Variants in PARN observed in about 807,000 individuals in gnomAD.
PARN encodes poly(A)-specific ribonuclease PARN.
A neutral mutation model predicts 102.8 loss-of-function variants in PARN; 71 were observed. That is an observed-to-expected ratio of 0.69 (90% confidence interval 0.57 to 0.84). PARN has a LOEUF of 0.84. Ranked by LOEUF, PARN falls within the 40% of genes least tolerant of loss-of-function variation. PARN has a pLI of 0.00. For synonymous variants in PARN, 261 were observed against 252.9 expected, an observed-to-expected ratio of 1.03 and a Z score of -0.30; for missense variants, 782 against 760.9, an observed-to-expected ratio of 1.03 and a Z score of -0.33.
chr16:14,546,074 G>C (rs1966921268), intron 21 of PARN, among the ~76,000 whole-genome samples: 6 of 152,160 alleles, frequency 3.9e-5, no homozygotes, highest in Admixed American at 3.9e-4. Flanking sequence ...TGACTGGAAT[G>C]AACAAGGAAA....
At chr16:14,512,422 C>T (rs1456337305) in intron 21 of PARN, among the ~76,000 whole-genome samples, 4 of 152,068 alleles carry the variant, frequency 2.6e-5, no homozygotes, top group African/African-American at 9.6e-5. Context: ...GAGCCTGGGA[C>T]GTGGAGGTTG....
intron 21 of PARN, among the ~76,000 whole-genome samples, chr16:14,505,797 G>A (rs958431456): frequency 2.0e-5 from 3 of 152,086 alleles, no homozygotes; most frequent in African/African-American, 4.8e-5. Flanking sequence ...TGTCAGCTTT[G>A]GCAACATGTG....
At chr16:14,598,274 C>T (rs773837106) in intron 12 of PARN, among the ~76,000 whole-genome samples, 40 of 151,936 alleles carry the variant, frequency 2.6e-4, no homozygotes, top group Non-Finnish European at 4.4e-4. Flanking sequence ...TGGTAGTATG[C>T]TTTGGGATGT....
At chr16:14,496,705 C>A (rs992028909) in intron 21 of PARN, among the ~76,000 whole-genome samples, 11 of 152,174 alleles carry the variant, frequency 7.2e-5, no homozygotes, top group African/African-American at 2.7e-4. Context: ...CCAGGGAAGA[C>A]TAAATAGTAC....
intron 5 of PARN, among the ~76,000 whole-genome samples, chr16:14,618,727 G>C (rs1019718637): frequency 4.0e-5 from 6 of 151,540 alleles, no homozygotes; most frequent in Non-Finnish European, 8.8e-5. Context: ...GCTCCTGATC[G>C]CTTGACTGTT....
At chr16:14,505,959 G>T (rs1964874435) in intron 21 of PARN, among the ~76,000 whole-genome samples, 1 of 152,154 alleles carries the variant, frequency 6.6e-6, no homozygotes, top group South Asian at 2.1e-4. Context: ...TACTCACAGA[G>T]TACTTATTTA....
At chr16:14,541,185 A>G (rs139825077) in intron 21 of PARN, among the ~76,000 whole-genome samples, 320 of 151,930 alleles carry the variant, frequency 2.1e-3, no homozygotes, top group Middle Eastern at 6.8e-3. Context: ...CATGAAACTA[A>G]ATAACTTTTT....
intron 14 of PARN, among the ~76,000 whole-genome samples, chr16:14,585,278 T>A (rs889554094): frequency 3.3e-5 from 5 of 152,304 alleles, no homozygotes; most frequent in Admixed American, 6.5e-5. Context: ...ACGCTGTTGT[T>A]TTTATTTCTT....
chr16:14,451,842 C>CT (rs1555477695), intron 22 of PARN, among the ~76,000 whole-genome samples: 2 of 46,258 alleles, frequency 4.3e-5, no homozygotes, highest in African/African-American at 8.1e-5. Context: ...AACCCCGTCT[C>CT]TAAAAAAAAA....
At chr16:14,611,619 C>T (rs1211790781) in intron 6 of PARN, among the ~76,000 whole-genome samples, 1 of 152,156 alleles carries the variant, frequency 6.6e-6, no homozygotes, top group African/African-American at 2.4e-5. Context: ...GAGCTCACTG[C>T]AACCTCTGCC....
At chr16:14,621,639 T>C (rs1417257438) in intron 5 of PARN, among the ~76,000 whole-genome samples, 2 of 151,864 alleles carry the variant, frequency 1.3e-5, no homozygotes, top group African/African-American at 4.8e-5. Context: ...GTGAAAACCC[T>C]GTCTCTACTA....
chr16:14,479,697 A>G (rs1459212243), intron 22 of PARN, among the ~76,000 whole-genome samples: 3 of 152,180 alleles, frequency 2.0e-5, no homozygotes, highest in African/African-American at 7.2e-5. Context: ...GAGAGCAGAA[A>G]CAGACCTAGA....
chr16:14,565,144 A>G (rs1029026853), intron 18 of PARN: 2 of 152,200 alleles, frequency 1.3e-5, no homozygotes, highest in Non-Finnish European at 2.9e-5. Flanking sequence ...ATAAAAAACT[A>G]ATTTTATCAT....
At chr16:14,589,405 T>C (rs907584170) in intron 13 of PARN, among the ~76,000 whole-genome samples, 1 of 148,976 alleles carries the variant, frequency 6.7e-6, no homozygotes, top group Non-Finnish European at 1.5e-5. Flanking sequence ...TCTACAAAAC[T>C]TTCAAAACAA....
chr16:14,550,371 T>C (rs1008147541), intron 21 of PARN, among the ~76,000 whole-genome samples: 1 of 152,210 alleles, frequency 6.6e-6, no homozygotes, highest in African/African-American at 2.4e-5. Flanking sequence ...AAATCTGCTA[T>C]TAAAGAACCA....
chr16:14,589,176 T>G (rs1373947048), intron 13 of PARN, among the ~76,000 whole-genome samples: 2 of 142,552 alleles, frequency 1.4e-5, no homozygotes, highest in African/African-American at 2.5e-5. Flanking sequence ...CAAGACTCTG[T>G]CTCAAAAATA....
intron 21 of PARN, among the ~76,000 whole-genome samples, chr16:14,516,625 T>C (rs1224005073): frequency 6.6e-6 from 1 of 152,216 alleles, no homozygotes; most frequent in Non-Finnish European, 1.5e-5. Flanking sequence ...TATATAATTT[T>C]ACACCTAGCT....
At chr16:14,516,115 A>C (rs1298648226) in intron 21 of PARN, among the ~76,000 whole-genome samples, 1 of 152,070 alleles carries the variant, frequency 6.6e-6, no homozygotes, top group Non-Finnish European at 1.5e-5. Flanking sequence ...TACAAGAATA[A>C]AAAAACACAA....
rs77829552 is a variant in PARN at position 14,551,609 on chromosome 16, T to C, written c.1480+412A>G. Among the ~76,000 whole-genome samples, 130 of 152,144 alleles carry C rather than the reference T, an allele frequency of 8.5e-4. No homozygotes were observed. The East Asian group carries it at 0.016, about 19-fold the overall frequency. On this transcript the variant is annotated intron_variant, in intron 21 of 23. Coordinates refer to ENST00000437198, the MANE Select transcript of PARN (RefSeq NM_002582.4). ...ATGACAACAACAAAAACAACAAGTA[T>C]TTGATACAAGTTTAATGGAGTGAAT... is the stretch of plus-strand genomic sequence containing the variant.
Sources: gnomAD v4.1 joint callset for allele counts (sites outside exome capture counted in the v4.1 genomes callset) on GRCh38, gnomAD v4.1.1 for gene constraint, MANE v1.5 for transcripts, NCBI Gene and HGNC (gene_info 2026-07-23, HGNC 2026-07-21) for gene names.